Variants in SLC39A14 observed in about 807,000 individuals in gnomAD.
SLC39A14 encodes metal cation symporter ZIP14.
SLC39A14 carries 19 observed loss-of-function variants against 45.5 expected under a neutral mutation model. The observed-to-expected ratio is 0.42, with a 90% CI of 0.29 to 0.61. The LOEUF is 0.61. SLC39A14 is among the 20% of genes least tolerant of loss of function. The pLI, the probability that SLC39A14 is intolerant of heterozygous loss-of-function variation, is 0.22. For synonymous variants in SLC39A14, 264 were observed against 251.3 expected, an observed-to-expected ratio of 1.05 and a Z score of -0.48; for missense variants, 447 against 616.5, an observed-to-expected ratio of 0.73 and a Z score of 2.91.
At chr8:22,368,518 TTTATTTTATTTTATTTTA>T (rs1188302374) in intron 1 of SLC39A14, among the ~76,000 whole-genome samples, 2 of 40,864 alleles carry the variant, frequency 4.9e-5, no homozygotes, top group African/African-American at 3.2e-4. Context: ...TTTATTTTAT[TTTATTTTATTTTATTTTA>T]TTGTATTTTA....
intron 8 of SLC39A14, 72 bp downstream of exon 8, chr8:22,417,907 A>T (rs1408499320): frequency 6.1e-6 from 8 of 1,319,404 alleles, no homozygotes; most frequent in Admixed American, 2.5e-5. Flanking sequence ...GTTTTTTTTT[A>T]TTTTTATTTT....
chr8:22,427,157 T>C (rs1243765803), downstream of SLC39A14, among the ~76,000 whole-genome samples: 2 of 151,782 alleles, frequency 1.3e-5, no homozygotes, highest in Non-Finnish European at 2.9e-5. Context: ...CCGGGTGTGG[T>C]GGCACACCCT....
chr8:22,393,110 T>C, intron 1 of SLC39A14: 1 of 612,154 alleles, frequency 1.6e-6, no homozygotes, highest in African/African-American at 2.0e-5. Flanking sequence ...GTGAGTGGGC[T>C]CCGCTGGCCG....
downstream of SLC39A14, among the ~76,000 whole-genome samples, chr8:22,424,137 G>A (rs1186962175): frequency 6.6e-6 from 1 of 152,134 alleles, no homozygotes; most frequent in African/African-American, 2.4e-5. Context: ...TGTGTTGCAT[G>A]ATAGAAGAAT....
intron 1 of SLC39A14, among the ~76,000 whole-genome samples, chr8:22,394,330 T>C (rs544543366): frequency 1.4e-5 from 2 of 146,808 alleles, no homozygotes; most frequent in Admixed American, 6.8e-5. Flanking sequence ...ATTATGTCTT[T>C]TTTTTTTTTT....
chr8:22,399,459 C>G (rs1343202582), intron 1 of SLC39A14, among the ~76,000 whole-genome samples: 4 of 152,266 alleles, frequency 2.6e-5, no homozygotes, highest in Non-Finnish European at 2.9e-5. Flanking sequence ...CTCCCCAACC[C>G]TTGCGGGTGA....
chr8:22,405,755 A>C (rs1243386169), intron 2 of SLC39A14, among the ~76,000 whole-genome samples: 1 of 152,244 alleles, frequency 6.6e-6, no homozygotes, highest in Non-Finnish European at 1.5e-5. Flanking sequence ...TCCCGCAGTG[A>C]GTCCCTGCAG....
intron 1 of SLC39A14, among the ~76,000 whole-genome samples, chr8:22,382,203 G>C (rs567013883): frequency 1.3e-5 from 2 of 152,176 alleles, no homozygotes; most frequent in Non-Finnish European, 2.9e-5. Flanking sequence ...AAAAGGAGTA[G>C]AAATATAAAA....
At chr8:22,375,958 G>T (rs1833193555) in intron 1 of SLC39A14, among the ~76,000 whole-genome samples, 1 of 152,172 alleles carries the variant, frequency 6.6e-6, no homozygotes, top group Non-Finnish European at 1.5e-5. Context: ...GCATAACACT[G>T]TTAACTAAAC....
At chr8:22,401,520 GTCTTTC>G (rs984088062) in intron 1 of SLC39A14, among the ~76,000 whole-genome samples, 5 of 140,454 alleles carry the variant, frequency 3.6e-5, no homozygotes, top group African/African-American at 5.2e-5. Context: ...CTTTCTTTCT[GTCTTTC>G]TCTTTCTCTT....
At chr8:22,403,407 A>G (rs1835004052) in intron 1 of SLC39A14, among the ~76,000 whole-genome samples, 1 of 151,564 alleles carries the variant, frequency 6.6e-6, no homozygotes, top group African/African-American at 2.4e-5. Context: ...AGCCTCCTGA[A>G]TAGCTGGGAT....
intron 8 of SLC39A14, among the ~76,000 whole-genome samples, chr8:22,429,608 T>C (rs1473618668): frequency 2.0e-5 from 3 of 152,210 alleles, no homozygotes; most frequent in Non-Finnish European, 2.9e-5. Context: ...TTTAATTTCA[T>C]TTATAATTGG....
rs1832714055 is a variant in SLC39A14 at position 22,367,731 on chromosome 8, G to T, written c.-16+323G>T. The T allele has an allele frequency of 6.6e-6, 1 of 152,406 alleles. No individual in the cohort carries two copies. Among genetic ancestry groups the T allele is most frequent in the Non-Finnish European group, 1.5e-5 (1 of 68,180 alleles). The allele number at this position is 152,406 out of a possible 1,614,324, so 9.4% of individuals were successfully genotyped here. On this transcript the variant is annotated intron_variant, in intron 1 of 8. Transcript: ENST00000381237. The surrounding 1 kb of genome is among the most constrained non-coding windows in gnomAD (Gnocchi z 4.2). The stretch of plus-strand genomic sequence containing the variant: ...CCCCGCGCGGACACGGACGCAGAAC[G>T]CAGACAGTAGGTGGCCAATCCGAGG...
At chr8:22,431,376 A>C (rs59370752) in intron 8 of SLC39A14, among the ~76,000 whole-genome samples, 47,438 of 152,070 alleles carry the variant, frequency 0.31, 7,667 homozygotes, top group East Asian at 0.5. Flanking sequence ...TCATTTTACT[A>C]TGGTTTTTAA....
intron 1 of SLC39A14, among the ~76,000 whole-genome samples, chr8:22,402,152 C>A (rs1169082061): frequency 1.2e-4 from 18 of 152,060 alleles, no homozygotes; most frequent in Non-Finnish European, 8.8e-5. Context: ...GAGGCGGAGG[C>A]GTGTGGGTCA....
intron 8 of SLC39A14, among the ~76,000 whole-genome samples, chr8:22,419,351 T>A (rs1418774650): frequency 6.6e-6 from 1 of 152,146 alleles, no homozygotes; most frequent in Admixed American, 6.5e-5. Context: ...GCCCAGCTAA[T>A]TTTTATGTTT....
intron 5 of SLC39A14, chr8:22,415,511 C>T (rs1835819335): frequency 2.4e-6 from 1 of 409,428 alleles, no homozygotes; most frequent in Non-Finnish European, 4.3e-6. Flanking sequence ...GCCCAGGCTG[C>T]TCTCAAACTT....
chr8:22,396,030 C>G (rs992951478), intron 1 of SLC39A14, among the ~76,000 whole-genome samples: 5 of 152,036 alleles, frequency 3.3e-5, no homozygotes, highest in African/African-American at 1.2e-4. Context: ...CAGTGTGGCT[C>G]TGCTCACTTC....
intron 1 of SLC39A14, among the ~76,000 whole-genome samples, chr8:22,373,814 G>A (rs776401781): frequency 5.8e-4 from 88 of 151,474 alleles, no homozygotes; most frequent in Non-Finnish European, 1.0e-3. Flanking sequence ...ACCCAGGCGG[G>A]AGTGCAGTAG....
Sources: allele counts gnomAD v4.1 joint callset (sites outside exome capture counted in the v4.1 genomes callset), GRCh38; gene constraint gnomAD v4.1.1; non-coding constraint Gnocchi (gnomAD v3.1); transcripts MANE v1.5; gene names NCBI Gene and HGNC (gene_info 2026-07-23, HGNC 2026-07-21).